The following NADK variants were observed in gnomAD, a reference collection of about 807,000 sequenced individuals.
NADK encodes poly(P)/ATP NAD kinase.
A neutral mutation model predicts 49.8 loss-of-function variants in NADK; 22 were observed. That is an observed-to-expected ratio of 0.44 (90% CI 0.32 to 0.63). The LOEUF (loss-of-function observed/expected upper bound fraction) is 0.63, where lower values mean the gene tolerates loss of function less well. Among genes scored for constraint, NADK ranks in the 30% least tolerant of loss-of-function variants. NADK has a pLI of 0.06. For missense variants in NADK, 438 were observed against 609.4 expected (o/e 0.72, Z 2.96); for synonymous variants, 268 against 253.7 (o/e 1.06, Z -0.54).
chr1:1,760,106 G>A (rs1043773380), intron 3 of NADK, among the ~76,000 whole-genome samples: 9 of 152,218 alleles, frequency 5.9e-5, no homozygotes, highest in Non-Finnish European at 1.2e-4. Context: ...TCCACACAGC[G>A]GAGGGCAGCC....
chr1:1,759,813 A>T, intron 3 of NADK: 1 of 1,553,792 alleles, frequency 6.4e-7, no homozygotes, highest in Non-Finnish European at 8.7e-7. Flanking sequence ...CTGAGGCAGA[A>T]CATGCACCTG....
intron 2 of NADK, among the ~76,000 whole-genome samples, chr1:1,763,212 C>T (rs1645781477): frequency 6.6e-6 from 1 of 152,238 alleles, no homozygotes; most frequent in Non-Finnish European, 1.5e-5. Context: ...AGGCCGGGTG[C>T]AGTGACTCAC....
At chr1:1,757,940 G>A (rs1330385912) in intron 3 of NADK, among the ~76,000 whole-genome samples, 2 of 152,172 alleles carry the variant, frequency 1.3e-5, no homozygotes, top group Non-Finnish European at 2.9e-5. Context: ...GCGCTTTGCT[G>A]GCTCTGACCC....
At position 1,755,319 on chromosome 1, in the gene NADK, G is replaced by A. The variant is rs112909825; in HGVS notation, c.688+55C>T. On this transcript the variant is annotated intron_variant, in intron 7 of 11. Transcript: ENST00000341426. ...GAAAATAAACCCCCCGCAAGCAAGCGAGACAGCAGCGCCATGATCAGAGCT... is the reference window on the plus strand; with the variant it reads ...GAAAATAAACCCCCCGCAAGCAAGCAAGACAGCAGCGCCATGATCAGAGCT... 45 of 1,267,102 alleles carry A rather than the reference G, an allele frequency of 3.6e-5. No homozygotes were observed. The Middle Eastern group carries it at 5.6e-4, about 16-fold the overall frequency. The allele number at this position is 1,267,102 out of a possible 1,614,324, so 78.5% of individuals were successfully genotyped here.
At chr1:1,759,638 G>A in intron 3 of NADK, 1 of 1,345,194 alleles carries the variant, frequency 7.4e-7, no homozygotes, top group Non-Finnish European at 1.0e-6. Flanking sequence ...GGAAGCGGGA[G>A]GTTATGATCC....
rs1361064151 is a variant in NADK, at chr1:1,753,626, C to T, written c.1125G>A (p.Arg375=). 1.2e-6 allele frequency: 2 copies of T among 1,611,816 alleles called. No homozygotes were observed. Among genetic ancestry groups the T allele is most frequent in the East Asian group, 4.5e-5 (2 of 44,844 alleles). ...CATCAAAGGACACCCATGCTGTGTT[C>T]CTTGCTTCAGGTGACAGCATGATCT... ...ELKIMLSPEA[R]NTAWVSFDGR... is the part of the protein sequence containing the mutation. The change falls in exon 11 of 12, where the codon AGG becomes AGA. Residue 375 remains arginine (R), a synonymous_variant. Coordinates refer to ENST00000341426, the MANE Select transcript of NADK (RefSeq NM_023018.5).
Position 1,753,650 on chromosome 1 carries a change from C to T in NADK, c.1102-1G>A. ...TCCTTGCTTCAGGTGACAGCATGAT[C>T]TGAGGGTCAAGCAGGGAGAGGTGTG... On this transcript the variant is annotated splice_acceptor_variant, in intron 10 of 11. Coordinates refer to ENST00000341426, the MANE Select transcript of NADK (RefSeq NM_023018.5). LOFTEE classifies it high-confidence loss of function. The T allele has an allele frequency of 6.2e-7, 1 of 1,606,476 alleles. No individual in the cohort carries two copies. The highest frequency in any genetic ancestry group is 8.5e-7 in the Non-Finnish European group (1 of 1,175,386).
rs1333424237 is a variant in NADK at position 1,773,713 on chromosome 1, T to TGAGAGAGA, written c.-41+4575_-41+4576insTCTCTCTC. Among the ~76,000 whole-genome samples, 152 of 126,644 alleles carry TGAGAGAGA rather than the reference T, an allele frequency of 1.2e-3. 2 individuals are homozygous for TGAGAGAGA. The highest frequency in any genetic ancestry group is 4.0e-3 in the Middle Eastern group (1 of 252). The allele number at this position is 126,644 out of a possible 152,430, so 83.1% of individuals were successfully genotyped here. ...GTGTGTGTGTGTGTGTGTGTGTGTG[T>TGAGAGAGA]GTGTGTGTGTGTGTGTGAGAGAGAG... On this transcript the variant is annotated intron_variant, in intron 1 of 11. Coordinates refer to ENST00000341426, the MANE Select transcript of NADK (RefSeq NM_023018.5).
intron 4 of NADK, 23 bp downstream of exon 4, chr1:1,757,158 C>A: frequency 6.3e-7 from 1 of 1,595,364 alleles, no homozygotes. Flanking sequence ...ACCCCAGGCC[C>A]CCTTCCCCCC....
At chr1:1,760,246 C>A (rs1645675934) in intron 3 of NADK, among the ~76,000 whole-genome samples, 1 of 152,184 alleles carries the variant, frequency 6.6e-6, no homozygotes, top group South Asian at 2.1e-4. Flanking sequence ...AGTGACAGGT[C>A]ACAGACACTC....
Position 1,762,891 on chromosome 1 carries a change from C to T in NADK, c.180-856G>A, listed in dbSNP as rs574794039. 3.9e-5 allele frequency among the ~76,000 whole-genome samples: 6 copies of T among 152,344 alleles called. No homozygotes were observed. In the South Asian group the frequency reaches 1.2e-3, roughly 32 times the overall value. On this transcript the variant is annotated intron_variant, in intron 2 of 11. Coordinates refer to ENST00000341426, the MANE Select transcript of NADK (RefSeq NM_023018.5). ...CCAGCCAGGGGCTGTGGCAGCCGCA[C>T]GCGTCCTGGGGAGAATGCTGTCAGG...
chr1:1,771,555 A>G (rs1646052498), intron 1 of NADK, among the ~76,000 whole-genome samples: 1 of 152,202 alleles, frequency 6.6e-6, no homozygotes, highest in Non-Finnish European at 1.5e-5. Context: ...CAGGACGGCC[A>G]GCCCAAAGGT....
intron 3 of NADK, among the ~76,000 whole-genome samples, chr1:1,758,127 C>T (rs1254361216): frequency 6.6e-6 from 1 of 152,248 alleles, no homozygotes; most frequent in Admixed American, 6.5e-5. Context: ...CGTCAGCGCT[C>T]ACCGCCTATC....
chr1:1,771,201 A>T (rs1293786853), intron 1 of NADK, among the ~76,000 whole-genome samples: 2 of 151,574 alleles, frequency 1.3e-5, no homozygotes, highest in Non-Finnish European at 2.9e-5. Context: ...GACATGTCAG[A>T]ACTGCACACT....
chr1:1,771,370 C>G (rs945250491), intron 1 of NADK, among the ~76,000 whole-genome samples: 1 of 152,016 alleles, frequency 6.6e-6, no homozygotes, highest in East Asian at 1.9e-4. Flanking sequence ...GCCAAGCAGG[C>G]TTCTCTAAAG....
At chr1:1,759,687 G>C in intron 3 of NADK, 1 of 1,537,350 alleles carries the variant, frequency 6.5e-7, no homozygotes, top group Non-Finnish European at 8.8e-7. Context: ...CTCCCATGGG[G>C]GTGCCGAGAA....
chr1:1,768,027 C>T (rs773070660), intron 1 of NADK, among the ~76,000 whole-genome samples: 7 of 151,986 alleles, frequency 4.6e-5, no homozygotes, highest in South Asian at 2.1e-4. Context: ...AAAAATTAGC[C>T]GGGCGTGGTG....
At chr1:1,767,840 C>T (rs1445040377) in intron 1 of NADK, among the ~76,000 whole-genome samples, 2 of 151,990 alleles carry the variant, frequency 1.3e-5, no homozygotes, top group African/African-American at 2.4e-5. Flanking sequence ...ACATTGAAGC[C>T]CTAACTTCCA....
chr1:1,754,229 C>A lies in NADK; in HGVS notation c.944-21G>T, dbSNP rs540740695. 1 of 1,612,998 alleles carries A rather than the reference C, an allele frequency of 6.2e-7. No individual in the cohort carries two copies. The highest frequency in any genetic ancestry group is 2.2e-5 in the East Asian group (1 of 44,864). On this transcript the variant is annotated intron_variant, in intron 9 of 11. Coordinates refer to ENST00000341426, the MANE Select transcript of NADK (RefSeq NM_023018.5). The surrounding 1 kb of genome is among the most constrained non-coding windows in gnomAD (Gnocchi z 4.3). ...CACTCCTGACAGGGACAGGCGCAGG[C>A]GTCACTCCCGCCCGAGGGACGCTCA...
Sources: gnomAD v4.1 joint callset for allele counts (sites outside exome capture counted in the v4.1 genomes callset) on GRCh38, gnomAD v4.1.1 for gene constraint, Gnocchi (gnomAD v3.1) non-coding constraint, MANE v1.5 for transcripts, NCBI Gene and HGNC (gene_info 2026-07-23, HGNC 2026-07-21) for gene names.